Variants in IGSF21 observed in about 807,000 individuals in gnomAD.
The protein encoded by IGSF21 is immunoglobin superfamily member 21.
A neutral mutation model predicts 46.8 loss-of-function variants in IGSF21; 28 were observed. The ratio of observed to expected loss-of-function variants is 0.60; its 90% CI spans 0.44 to 0.82. The LOEUF is 0.82. IGSF21 is among the 40% of genes least tolerant of loss of function. IGSF21 has a pLI of 0.00. For missense variants in IGSF21, 624 were observed against 665.5 expected (o/e 0.94, Z 0.69); for synonymous variants, 284 against 273.6 (o/e 1.04, Z -0.38).
In IGSF21 at chr1:18,365,070, G is replaced by T. The variant is rs536148880; in HGVS notation, c.541-153G>T. On this transcript the variant is annotated intron_variant, in intron 5 of 9. Coordinates refer to ENST00000251296, the MANE Select transcript of IGSF21 (RefSeq NM_032880.5). This position sits in a 1 kb window ranked among gnomAD's most constrained non-coding sequence, Gnocchi z 4.8. The stretch of plus-strand genomic sequence containing the variant: ...CCACACTGGCTCATAGTTCTTGGGG[G>T]TGTTGAAGGGAAAAGAGTGGGGTGA... 2.0e-4 allele frequency among the ~76,000 whole-genome samples: 31 copies of T among 152,328 alleles called. No homozygotes were observed. The highest frequency in any genetic ancestry group is 4.2e-4 in the South Asian group (2 of 4,818).
chr1:18,175,017 G>T (rs796475078), intron 1 of IGSF21, among the ~76,000 whole-genome samples: 4 of 152,264 alleles, frequency 2.6e-5, no homozygotes, highest in African/African-American at 9.6e-5. Flanking sequence ...GCAGATGATG[G>T]GTAACTTGCC....
intron 1 of IGSF21, among the ~76,000 whole-genome samples, chr1:18,193,608 C>T (rs2086979271): frequency 6.6e-6 from 1 of 152,046 alleles, no homozygotes. Flanking sequence ...TGTTTTTCTG[C>T]CTGTTTTATA....
chr1:18,240,192 G>A (rs972610508), intron 2 of IGSF21, among the ~76,000 whole-genome samples: 2 of 152,184 alleles, frequency 1.3e-5, no homozygotes, highest in East Asian at 1.9e-4. Flanking sequence ...GAGGTGGGAG[G>A]ATGGATTGAG....
chr1:18,309,476 G>A (rs2085459253), intron 3 of IGSF21, among the ~76,000 whole-genome samples: 1 of 152,148 alleles, frequency 6.6e-6, no homozygotes, highest in African/African-American at 2.4e-5. Flanking sequence ...TTGAACCCAG[G>A]CAGTCAGGTT....
rs117441041 is a variant in IGSF21 at position 18,236,054 on chromosome 1, G to C, written c.183+8044G>C. On this transcript the variant is annotated intron_variant, in intron 2 of 9. Coordinates refer to ENST00000251296, the MANE Select transcript of IGSF21 (RefSeq NM_032880.5). ...GGCTTCGGCTGGGTTTGCAGGAGCA[G>C]TGCTATTTAATGAGACAGGGAGGAC... Among the ~76,000 whole-genome samples the C allele has an allele frequency of 4.0e-3, 603 of 152,344 alleles. 18 individuals carry two copies. The South Asian group carries it at 0.077, about 19-fold the overall frequency.
At chr1:18,141,078 T>C (rs916039245) in intron 1 of IGSF21, among the ~76,000 whole-genome samples, 1 of 152,138 alleles carries the variant, frequency 6.6e-6, no homozygotes, top group African/African-American at 2.4e-5. Context: ...CAACCTTTTC[T>C]CTTTCCTCAC....
At chr1:18,200,551 G>A (rs902692720) in intron 1 of IGSF21, among the ~76,000 whole-genome samples, 4 of 152,122 alleles carry the variant, frequency 2.6e-5, no homozygotes, top group African/African-American at 9.7e-5. Context: ...CTCTGCCTCT[G>A]CCATCACGTG....
chr1:18,239,674 G>T (rs2084706400), intron 2 of IGSF21, among the ~76,000 whole-genome samples: 1 of 152,064 alleles, frequency 6.6e-6, no homozygotes, highest in Non-Finnish European at 1.5e-5. Flanking sequence ...GTGCATATGT[G>T]CTGTCTCTGC....
At chr1:18,141,321 G>C (rs1265215526) in intron 1 of IGSF21, among the ~76,000 whole-genome samples, 1 of 152,144 alleles carries the variant, frequency 6.6e-6, no homozygotes, top group African/African-American at 2.4e-5. Flanking sequence ...TGAGGTGAAT[G>C]GTGGGCCAAA....
intron 1 of IGSF21, chr1:18,112,554 C>T (rs1374587017): frequency 1.3e-5 from 2 of 152,234 alleles, no homozygotes; most frequent in Non-Finnish European, 2.9e-5. Flanking sequence ...GTGACTTTGC[C>T]AAGGCTGCAG....
chr1:18,353,611 G>A (rs940028692), intron 4 of IGSF21, among the ~76,000 whole-genome samples: 1 of 152,112 alleles, frequency 6.6e-6, no homozygotes, highest in Non-Finnish European at 1.5e-5. Flanking sequence ...ACAAAAGAGA[G>A]CTTAGCTTAG....
rs1363497697 is a variant in IGSF21, at chr1:18,335,534, G to T, written c.424+524G>T. ...TCTAGCTGGCTGGGTCCTTGGGTAAGTCTATCCCCATCCCAGACTCAGTTT... is the reference window on the plus strand; with the variant it reads ...TCTAGCTGGCTGGGTCCTTGGGTAATTCTATCCCCATCCCAGACTCAGTTT... On this transcript the variant is annotated intron_variant, in intron 4 of 9. Transcript: ENST00000251296. The surrounding 1 kb of genome is among the most constrained non-coding windows in gnomAD (Gnocchi z 4.8). Among the ~76,000 whole-genome samples the T allele has an allele frequency of 6.6e-6, 1 of 152,154 alleles. No homozygotes were observed. The highest frequency in any genetic ancestry group is 1.9e-4 in the East Asian group (1 of 5,192).
chr1:18,199,908 G>A (rs759723187), intron 1 of IGSF21, among the ~76,000 whole-genome samples: 6 of 150,690 alleles, frequency 4.0e-5, no homozygotes, highest in East Asian at 2.0e-4. Flanking sequence ...CCCTACCCCC[G>A]TGAGAATCCA....
chr1:18,205,101 GGAGA>G (rs1345616597), intron 1 of IGSF21, among the ~76,000 whole-genome samples: 1 of 151,572 alleles, frequency 6.6e-6, no homozygotes, highest in African/African-American at 2.4e-5. Context: ...AAGTTGATGG[GGAGA>G]GAGAGGAATG....
rs1345410774 is a variant in IGSF21 at position 18,123,157 on chromosome 1, C to T, written c.70+14959C>T. ...GGTCCGTAAAATGAAAGGGTGAGTC[C>T]GGATGATCCCATTCTAAGATTATTC... On this transcript the variant is annotated intron_variant, in intron 1 of 9. Transcript: ENST00000251296. Among the ~76,000 whole-genome samples, 4 of 152,186 alleles carry T rather than the reference C, an allele frequency of 2.6e-5. No individual in the cohort carries two copies. In the East Asian group the frequency reaches 5.8e-4, roughly 22 times the overall value.
At chr1:18,287,828 T>C (rs10796445) in intron 2 of IGSF21, among the ~76,000 whole-genome samples, 117,752 of 152,136 alleles carry the variant, frequency 0.77, 46,898 homozygotes, top group East Asian at 0.97. Flanking sequence ...TCTGGCACCT[T>C]CCACCTGCCT....
intron 9 of IGSF21, among the ~76,000 whole-genome samples, chr1:18,377,803 G>A (rs917724166): frequency 2.0e-5 from 3 of 152,136 alleles, no homozygotes; most frequent in Non-Finnish European, 2.9e-5. Flanking sequence ...AGCCTCGACC[G>A]TGGGGCTGCG....
At chr1:18,172,806 T>C (rs1157675952) in intron 1 of IGSF21, among the ~76,000 whole-genome samples, 1 of 152,314 alleles carries the variant, frequency 6.6e-6, no homozygotes, top group African/African-American at 2.4e-5. Context: ...AGATGTGAAG[T>C]GACTTGCCCA....
At chr1:18,244,346 T>C (rs1356419797) in intron 2 of IGSF21, among the ~76,000 whole-genome samples, 1 of 152,196 alleles carries the variant, frequency 6.6e-6, no homozygotes, top group East Asian at 1.9e-4. Context: ...CCTCTCCCTT[T>C]CCAGCATGGA....
Sources: allele counts gnomAD v4.1 joint callset (sites outside exome capture counted in the v4.1 genomes callset), GRCh38; gene constraint gnomAD v4.1.1; non-coding constraint Gnocchi (gnomAD v3.1); transcripts MANE v1.5; gene names NCBI Gene and HGNC (gene_info 2026-07-23, HGNC 2026-07-21).